Variants in PDZRN4 observed in about 807,000 individuals in gnomAD.
The protein encoded by PDZRN4 is PDZ domain containing ring finger 4.
Under a neutral mutation model 99.0 loss-of-function variants are expected in PDZRN4, and 70 were observed. That is an observed-to-expected ratio of 0.71 (90% confidence interval 0.58 to 0.86). The LOEUF (loss-of-function observed/expected upper bound fraction) is 0.86, where lower values mean the gene tolerates loss of function less well. PDZRN4 is among the 40% of genes least tolerant of loss of function. The pLI, the probability that PDZRN4 is intolerant of heterozygous loss-of-function variation, is 0.00. For missense variants in PDZRN4, 1,474 were observed against 1,331.2 expected (o/e 1.11, Z -1.67); for synonymous variants, 551 against 501.6 (o/e 1.10, Z -1.32).
At chr12:41,355,584 T>C (rs1951921887) in intron 3 of PDZRN4, among the ~76,000 whole-genome samples, 1 of 152,132 alleles carries the variant, frequency 6.6e-6, no homozygotes, top group East Asian at 1.9e-4. Context: ...AACATTTGCA[T>C]ATATGCATTC....
chr12:41,409,091 A>G (rs1289404306), intron 3 of PDZRN4, among the ~76,000 whole-genome samples: 1 of 152,216 alleles, frequency 6.6e-6, no homozygotes, highest in Non-Finnish European at 1.5e-5. Flanking sequence ...ATGTAACAAT[A>G]GAGATAAGAA....
At chr12:41,570,198 G>A (rs1341352345) in intron 9 of PDZRN4, among the ~76,000 whole-genome samples, 1 of 152,084 alleles carries the variant, frequency 6.6e-6, no homozygotes, top group Non-Finnish European at 1.5e-5. Context: ...TTCACCATGA[G>A]ACTAAAAAAT....
chr12:41,380,531 T>C (rs1405578009), intron 3 of PDZRN4, among the ~76,000 whole-genome samples: 1 of 152,096 alleles, frequency 6.6e-6, no homozygotes, highest in Non-Finnish European at 1.5e-5. Flanking sequence ...AGTTAATATA[T>C]GGCTTAAATA....
intron 3 of PDZRN4, among the ~76,000 whole-genome samples, chr12:41,215,978 A>G (rs989363697): frequency 2.0e-5 from 3 of 151,954 alleles, no homozygotes; most frequent in Non-Finnish European, 2.9e-5. Flanking sequence ...AATGTAATGT[A>G]CTATTACTAG....
intron 3 of PDZRN4, among the ~76,000 whole-genome samples, chr12:41,373,511 T>C (rs1485443604): frequency 6.6e-6 from 1 of 152,150 alleles, no homozygotes; most frequent in Non-Finnish European, 1.5e-5. Context: ...TCCCATTTGC[T>C]TTTGAAAGAA....
At chr12:41,476,251 T>C (rs140658448) in intron 3 of PDZRN4, among the ~76,000 whole-genome samples, 117 of 152,344 alleles carry the variant, frequency 7.7e-4, no homozygotes, top group Middle Eastern at 3.4e-3. Context: ...ACATGTGTAA[T>C]AATAGTTGTT....
At chr12:41,272,641 G>T (rs1160470052) in intron 3 of PDZRN4, among the ~76,000 whole-genome samples, 3 of 152,006 alleles carry the variant, frequency 2.0e-5, no homozygotes, top group South Asian at 4.1e-4. Context: ...CTTTTAGTAA[G>T]AAATGGATAC....
intron 3 of PDZRN4, among the ~76,000 whole-genome samples, chr12:41,244,786 G>C (rs1295212754): frequency 6.8e-6 from 1 of 147,246 alleles, no homozygotes; most frequent in Non-Finnish European, 1.5e-5. Context: ...CCGGGTTCAC[G>C]CCATTCTCCT....
chr12:41,538,007 T>C (rs753450110), intron 5 of PDZRN4, among the ~76,000 whole-genome samples: 29 of 152,318 alleles, frequency 1.9e-4, no homozygotes, highest in Middle Eastern at 6.8e-3. Context: ...GTTTTCTTGA[T>C]TCTTAATTAA....
intron 3 of PDZRN4, among the ~76,000 whole-genome samples, chr12:41,320,968 A>T (rs909152780): frequency 1.1e-4 from 16 of 152,172 alleles, no homozygotes; most frequent in Non-Finnish European, 1.9e-4. Context: ...CACAGTAAAT[A>T]TATATCATTT....
chr12:41,245,955 G>A (rs564667915), intron 3 of PDZRN4, among the ~76,000 whole-genome samples: 9 of 152,262 alleles, frequency 5.9e-5, no homozygotes, highest in South Asian at 2.1e-4. Flanking sequence ...TGGGGAAAGC[G>A]AAGGATCTTG....
At chr12:41,274,438 T>G (rs1449766768) in intron 3 of PDZRN4, among the ~76,000 whole-genome samples, 15 of 152,212 alleles carry the variant, frequency 9.9e-5, no homozygotes, top group Admixed American at 7.9e-4. Flanking sequence ...TGTTTCTATG[T>G]TTAGTGAACA....
At chr12:41,344,642 C>A (rs1951840026) in intron 3 of PDZRN4, among the ~76,000 whole-genome samples, 1 of 151,158 alleles carries the variant, frequency 6.6e-6, no homozygotes, top group Non-Finnish European at 1.5e-5. Flanking sequence ...AACATAGGAC[C>A]TACATTGCGG....
chr12:41,461,260 A>T (rs116356199), intron 3 of PDZRN4, among the ~76,000 whole-genome samples: 437 of 151,816 alleles, frequency 2.9e-3, no homozygotes, highest in Non-Finnish European at 4.9e-3. Context: ...CAGGTTTGTT[A>T]CATAGGTAAA....
At chr12:41,283,205 A>G (rs572271888) in intron 3 of PDZRN4, among the ~76,000 whole-genome samples, 1 of 152,324 alleles carries the variant, frequency 6.6e-6, no homozygotes, top group South Asian at 2.1e-4. Context: ...CCACAGAAAT[A>G]CAAACTACCG....
At chr12:41,393,804 T>C (rs1056674352) in intron 3 of PDZRN4, among the ~76,000 whole-genome samples, 2 of 152,154 alleles carry the variant, frequency 1.3e-5, no homozygotes, top group Admixed American at 6.5e-5. Context: ...CTTGGTGCCT[T>C]AGCAGGAGGC....
chr12:41,244,228 C>T (rs754601591), intron 3 of PDZRN4, among the ~76,000 whole-genome samples: 3 of 152,150 alleles, frequency 2.0e-5, no homozygotes, highest in Admixed American at 2.0e-4. Flanking sequence ...ACCCTTGTCT[C>T]CTGTTCCCAC....
chr12:41,243,111 A>G (rs1951111076), intron 3 of PDZRN4, among the ~76,000 whole-genome samples: 1 of 152,192 alleles, frequency 6.6e-6, no homozygotes, highest in Admixed American at 6.5e-5. Flanking sequence ...TGTAGAGGAA[A>G]GCAGAGTTTT....
intron 3 of PDZRN4, among the ~76,000 whole-genome samples, chr12:41,291,684 G>C (rs2120909103): frequency 6.6e-6 from 1 of 152,216 alleles, no homozygotes; most frequent in South Asian, 2.1e-4. Context: ...GTCTTGGTTT[G>C]TTCTCCTCAT....
Sources: allele counts gnomAD v4.1 joint callset (sites outside exome capture counted in the v4.1 genomes callset), GRCh38; gene constraint gnomAD v4.1.1; transcripts MANE v1.5; gene names NCBI Gene and HGNC (gene_info 2026-07-23, HGNC 2026-07-21).